The following BTBD9 variants were observed in gnomAD, a reference collection of about 807,000 sequenced individuals.
The protein encoded by BTBD9 is BTB domain containing 9, also known as BTB/POZ domain-containing protein 9.
Under a neutral mutation model 64.3 loss-of-function variants are expected in BTBD9, and 49 were observed. The ratio of observed to expected loss-of-function variants is 0.76; its 90% confidence interval spans 0.61 to 0.97. The LOEUF (loss-of-function observed/expected upper bound fraction) is 0.97, where lower values mean the gene tolerates loss of function less well. BTBD9 is among the 50% of genes least tolerant of loss of function. The pLI, the probability that BTBD9 is intolerant of heterozygous loss-of-function variation, is 0.00. For missense variants in BTBD9, 598 were observed against 762.1 expected (o/e 0.78, Z 2.53); for synonymous variants, 260 against 274.7 (o/e 0.95, Z 0.53).
intron 4 of BTBD9, among the ~76,000 whole-genome samples, chr6:38,587,063 C>CAAAAAAA (rs35943182): frequency 8.1e-6 from 1 of 122,716 alleles, no homozygotes. Context: ...GACTCCATCT[C>CAAAAAAA]AAAAAAAAAA....
intron 4 of BTBD9, among the ~76,000 whole-genome samples, chr6:38,585,436 G>A (rs1211430923): frequency 1.3e-5 from 2 of 152,092 alleles, no homozygotes; most frequent in Non-Finnish European, 2.9e-5. Flanking sequence ...AGCTTCCCAA[G>A]CATCTGGGAC....
intron 9 of BTBD9, among the ~76,000 whole-genome samples, chr6:38,239,570 A>G (rs1338895039): frequency 6.6e-6 from 1 of 152,152 alleles, no homozygotes; most frequent in Non-Finnish European, 1.5e-5. Flanking sequence ...TAAAAAGCAC[A>G]GCCAGGAGAC....
intron 6 of BTBD9, among the ~76,000 whole-genome samples, chr6:38,404,465 G>T (rs772435128): frequency 3.9e-4 from 60 of 152,204 alleles, no homozygotes; most frequent in Non-Finnish European, 5.9e-4. Flanking sequence ...CCAAAACAGA[G>T]GATGCATTCA....
At chr6:38,635,100 A>T (rs1778485326) in intron 1 of BTBD9, among the ~76,000 whole-genome samples, 1 of 152,058 alleles carries the variant, frequency 6.6e-6, no homozygotes, top group African/African-American at 2.4e-5. Flanking sequence ...GGTGGGACCC[A>T]GAAATCTGTG....
Position 38,256,398 on chromosome 6 carries a change from A to C in BTBD9, c.1562+11T>G, listed in dbSNP as rs140334515. 3.9e-4 allele frequency: 622 copies of C among 1,595,290 alleles called. 4 individuals are homozygous for C. In the African/African-American group the frequency reaches 7.3e-3, roughly 19 times the overall value. On this transcript the variant is annotated intron_variant, in intron 9 of 10. Transcript: ENST00000481247. Reference sequence around the variant, plus strand: ...TCAATAGGAATAAATTCCTGAAAAGACACAACTTACTTGCAGGAGACTTTA... The same window carrying C: ...TCAATAGGAATAAATTCCTGAAAAGCCACAACTTACTTGCAGGAGACTTTA...
At chr6:38,416,718 C>T (rs374263202) in intron 6 of BTBD9, among the ~76,000 whole-genome samples, 4 of 151,962 alleles carry the variant, frequency 2.6e-5, no homozygotes, top group East Asian at 1.9e-4. Context: ...TTTCAGTTTC[C>T]GCATTTAAAT....
chr6:38,312,107 C>T (rs914412280), intron 7 of BTBD9, among the ~76,000 whole-genome samples: 3 of 151,748 alleles, frequency 2.0e-5, no homozygotes, highest in Admixed American at 6.6e-5. Context: ...GTGATCCACC[C>T]GCCTCGGCCT....
chr6:38,352,236 G>A (rs370778559), intron 6 of BTBD9, among the ~76,000 whole-genome samples: 1 of 152,052 alleles, frequency 6.6e-6, no homozygotes, highest in Admixed American at 6.6e-5. Context: ...AACTAGCCAG[G>A]CATGGTGGTG....
chr6:38,567,784 G>C (rs1182284793), intron 6 of BTBD9, among the ~76,000 whole-genome samples: 4 of 152,102 alleles, frequency 2.6e-5, no homozygotes, highest in Non-Finnish European at 4.4e-5. Context: ...AGAAAGCTCT[G>C]ATGATTTTAC....
At chr6:38,206,682 A>G (rs1427265000) in intron 9 of BTBD9, among the ~76,000 whole-genome samples, 1 of 152,226 alleles carries the variant, frequency 6.6e-6, no homozygotes, top group Non-Finnish European at 1.5e-5. Context: ...TGATTTAACT[A>G]AACAGGAGGA....
intron 6 of BTBD9, among the ~76,000 whole-genome samples, chr6:38,453,214 T>C (rs1769638651): frequency 6.6e-6 from 1 of 152,196 alleles, no homozygotes. Context: ...AGTATTAGAA[T>C]TTGAAAAGGA....
chr6:38,416,085 T>C (rs368550887), intron 6 of BTBD9, among the ~76,000 whole-genome samples: 2 of 152,236 alleles, frequency 1.3e-5, no homozygotes, highest in South Asian at 4.2e-4. Context: ...CAGAATTCCA[T>C]AGTACCAAGT....
At position 38,432,591 on chromosome 6, in the gene BTBD9, A is replaced by C. The variant is rs550070661; in HGVS notation, c.1155-87498T>G. 6.7e-4 allele frequency among the ~76,000 whole-genome samples: 102 copies of C among 152,086 alleles called. 4 individuals carry two copies. The highest frequency in any genetic ancestry group is 2.3e-3 in the African/African-American group (97 of 41,334). ...ATTTGTGAATTCTCCAACTGATCCT[A>C]TAGATAACACCACTATTGTAGAACC... is the stretch of plus-strand genomic sequence containing the variant. On this transcript the variant is annotated intron_variant, in intron 6 of 10. Coordinates refer to ENST00000481247, the MANE Select transcript of BTBD9 (RefSeq NM_001099272.2).
intron 6 of BTBD9, among the ~76,000 whole-genome samples, chr6:38,384,220 T>C (rs905903133): frequency 1.2e-4 from 19 of 152,220 alleles, no homozygotes; most frequent in South Asian, 2.1e-4. Context: ...TATCTTGTGA[T>C]ACTGTGAATT....
At chr6:38,334,628 AAAAT>A (rs1454330738) in intron 7 of BTBD9, among the ~76,000 whole-genome samples, 5 of 133,020 alleles carry the variant, frequency 3.8e-5, no homozygotes, top group African/African-American at 1.9e-4. Flanking sequence ...AACATAACAT[AAAAT>A]AAATAAAATA....
intron 1 of BTBD9, among the ~76,000 whole-genome samples, chr6:38,628,461 T>C (rs146951506): frequency 2.6e-4 from 40 of 152,264 alleles, no homozygotes; most frequent in African/African-American, 4.3e-4. Flanking sequence ...TCTGGGTACA[T>C]TAAGAGTATA....
chr6:38,332,481 G>C (rs941905174), intron 7 of BTBD9, among the ~76,000 whole-genome samples: 1 of 152,164 alleles, frequency 6.6e-6, no homozygotes, highest in Non-Finnish European at 1.5e-5. Context: ...CTAATTCAGA[G>C]TTTGGATGAT....
At chr6:38,283,947 C>T (rs1311239859) in intron 8 of BTBD9, among the ~76,000 whole-genome samples, 1 of 152,238 alleles carries the variant, frequency 6.6e-6, no homozygotes, top group African/African-American at 2.4e-5. Flanking sequence ...TACCACTCAT[C>T]TAGTTTCCTG....
At chr6:38,523,436 C>T (rs1335075270) in intron 6 of BTBD9, among the ~76,000 whole-genome samples, 1 of 152,134 alleles carries the variant, frequency 6.6e-6, no homozygotes. Flanking sequence ...TTTGGACTTT[C>T]AGAAGTTTGG....
Sources: allele counts gnomAD v4.1 joint callset (sites outside exome capture counted in the v4.1 genomes callset), GRCh38; gene constraint gnomAD v4.1.1; transcripts MANE v1.5; gene names NCBI Gene and HGNC (gene_info 2026-07-23, HGNC 2026-07-21).